Variants in ITGA9 observed in about 807,000 individuals in gnomAD.
The protein encoded by ITGA9 is integrin alpha-9.
Under a neutral mutation model 127.8 loss-of-function variants are expected in ITGA9, and 56 were observed. The ratio of observed to expected loss-of-function variants is 0.44; its 90% CI spans 0.35 to 0.55. The LOEUF (loss-of-function observed/expected upper bound fraction) is 0.55. Ranked by LOEUF, ITGA9 falls within the 20% of genes least tolerant of loss-of-function variation. The pLI is 0.00. For missense variants in ITGA9, 1,196 were observed against 1,347.1 expected, an observed-to-expected ratio of 0.89 and a Z score of 1.76; for synonymous variants, 508 against 514.5, an observed-to-expected ratio of 0.99 and a Z score of 0.17.
intron 16 of ITGA9, among the ~76,000 whole-genome samples, chr3:37,633,409 A>G (rs1421252377): frequency 6.6e-6 from 1 of 152,226 alleles, no homozygotes; most frequent in African/African-American, 2.4e-5. Flanking sequence ...TGCCTAGCCT[A>G]CCTTAAATGT....
At chr3:37,777,889 A>G (rs1192601643) in intron 24 of ITGA9, among the ~76,000 whole-genome samples, 2 of 152,268 alleles carry the variant, frequency 1.3e-5, no homozygotes, top group Admixed American at 6.5e-5. Flanking sequence ...ACTCTTGAGT[A>G]TATCCCCAAG....
chr3:37,455,731 TTAAC>T (rs1266247807), intron 1 of ITGA9, among the ~76,000 whole-genome samples: 1 of 152,252 alleles, frequency 6.6e-6, no homozygotes, highest in East Asian at 1.9e-4. Flanking sequence ...TTCATGCTAA[TTAAC>T]TACCTGTTTT....
At chr3:37,737,832 C>G (rs1320053901) in intron 20 of ITGA9, among the ~76,000 whole-genome samples, 1 of 152,174 alleles carries the variant, frequency 6.6e-6, no homozygotes, top group Non-Finnish European at 1.5e-5. Flanking sequence ...TACCCTTTAC[C>G]CAGATTCACC....
intron 18 of ITGA9, among the ~76,000 whole-genome samples, chr3:37,710,116 C>T (rs1701061938): frequency 6.6e-6 from 1 of 152,120 alleles, no homozygotes. Flanking sequence ...AGGGGAGGAA[C>T]ACAGGAGCTG....
intron 26 of ITGA9, 122 bp downstream of exon 26, chr3:37,785,200 A>T: frequency 2.6e-6 from 2 of 757,610 alleles, no homozygotes; most frequent in Non-Finnish European, 4.7e-6. Context: ...GGTTTGTGGC[A>T]GACCCAAGAC....
chr3:37,758,371 T>C (rs1351086152), intron 23 of ITGA9, among the ~76,000 whole-genome samples: 1 of 145,116 alleles, frequency 6.9e-6, no homozygotes, highest in African/African-American at 2.6e-5. Context: ...TTGATTCCTA[T>C]TAGAAGAATA....
intron 15 of ITGA9, among the ~76,000 whole-genome samples, chr3:37,625,062 T>C (rs747456266): frequency 6.6e-6 from 1 of 152,214 alleles, no homozygotes; most frequent in Non-Finnish European, 1.5e-5. Context: ...ACTTCCCACC[T>C]TTGGGAGTCA....
At chr3:37,651,896 G>A (rs1273893376) in intron 16 of ITGA9, among the ~76,000 whole-genome samples, 1 of 152,148 alleles carries the variant, frequency 6.6e-6, no homozygotes, top group Admixed American at 6.5e-5. Flanking sequence ...AGATCTGGCA[G>A]CCTGCATGTC....
At chr3:37,557,179 C>T (rs945071970) in intron 15 of ITGA9, among the ~76,000 whole-genome samples, 2 of 152,118 alleles carry the variant, frequency 1.3e-5, no homozygotes, top group African/African-American at 4.8e-5. Context: ...TTTTCCTTCT[C>T]CTTTTCTTGG....
At chr3:37,683,799 C>T (rs1374410716) in intron 17 of ITGA9, 66 bp from the exon 18 acceptor site, 2 of 1,544,984 alleles carry the variant, frequency 1.3e-6, no homozygotes, top group Non-Finnish European at 1.8e-6. Context: ...TTCAACTACC[C>T]CCTGTGCCTC....
chr3:37,553,448 A>G (rs1242023637), intron 15 of ITGA9, among the ~76,000 whole-genome samples: 1 of 152,242 alleles, frequency 6.6e-6, no homozygotes, highest in Non-Finnish European at 1.5e-5. Flanking sequence ...ACATTTTTGA[A>G]GAGTACAGGT....
intron 10 of ITGA9, among the ~76,000 whole-genome samples, chr3:37,517,932 T>A (rs1175823920): frequency 6.6e-6 from 1 of 152,220 alleles, no homozygotes; most frequent in Admixed American, 6.5e-5. Context: ...GCAAGAAGTT[T>A]GAATAGCTTC....
intron 17 of ITGA9, among the ~76,000 whole-genome samples, chr3:37,678,064 A>T (rs928047548): frequency 1.3e-5 from 2 of 152,182 alleles, no homozygotes; most frequent in Non-Finnish European, 2.9e-5. Flanking sequence ...TGGTTTATCC[A>T]CTTGTCTGTC....
intron 16 of ITGA9, among the ~76,000 whole-genome samples, chr3:37,637,822 G>A (rs988382411): frequency 2.6e-5 from 4 of 152,108 alleles, no homozygotes; most frequent in Non-Finnish European, 4.4e-5. Context: ...ACAGGTGCAC[G>A]CCACTATGCC....
intron 5 of ITGA9, among the ~76,000 whole-genome samples, chr3:37,494,996 C>T (rs753454201): frequency 6.6e-6 from 1 of 152,202 alleles, no homozygotes; most frequent in Non-Finnish European, 1.5e-5. Context: ...TTTTTCGAGA[C>T]AGAGTCTTGC....
At chr3:37,485,554 A>G (rs1018057036) in intron 4 of ITGA9, among the ~76,000 whole-genome samples, 4 of 151,934 alleles carry the variant, frequency 2.6e-5, no homozygotes, top group Admixed American at 2.6e-4. Flanking sequence ...CAGCAAGGCC[A>G]CCCATTGTTC....
In ITGA9 at chr3:37,732,683, G is replaced by A. The variant is rs201533784; in HGVS notation, c.2068-29G>A. 2.9e-4 allele frequency: 448 copies of A among 1,562,068 alleles called. 2 individuals carry two copies. In the African/African-American group the frequency reaches 4.9e-3, roughly 17 times the overall value. Reference sequence around the variant, plus strand: ...CCACACACCTGCCTTTTGTGCAGCCGGCCCATCTGTTGGTGCTTTTTCTTT... The same window carrying A: ...CCACACACCTGCCTTTTGTGCAGCCAGCCCATCTGTTGGTGCTTTTTCTTT... On this transcript the variant is annotated intron_variant, in intron 18 of 27. Transcript: ENST00000264741.
chr3:37,741,770 C>T lies in ITGA9; in HGVS notation c.2275C>T (p.Leu759Phe), dbSNP rs148785471. The stretch of plus-strand genomic sequence containing the variant: ...CTCTGAATCCCTGCATGACAACACC[C>T]TCGTGCTGATGGTGCCACTGATGCA... ...ERSESLHDNT[L>F]VLMVPLMHEV... Residue 759 changes from leucine to phenylalanine, a missense_variant, in exon 21 of 28, where the codon CTC becomes TTC. By Grantham distance (22) the Leu-to-Phe change is conservative. Coordinates refer to ENST00000264741, the MANE Select transcript of ITGA9 (RefSeq NM_002207.3). 2.5e-6 allele frequency: 4 copies of T among 1,613,898 alleles called. No homozygotes were observed. Among genetic ancestry groups the T allele is most frequent in the African/African-American group, 1.3e-5 (1 of 75,062 alleles).
chr3:37,466,513 A>G (rs887966249), intron 1 of ITGA9, among the ~76,000 whole-genome samples: 3 of 149,692 alleles, frequency 2.0e-5, no homozygotes, highest in African/African-American at 4.9e-5. Flanking sequence ...AAAAAAAAAA[A>G]GGGCCTTTGA....
Sources: gnomAD v4.1 joint callset for allele counts (sites outside exome capture counted in the v4.1 genomes callset) on GRCh38, gnomAD v4.1.1 for gene constraint, MANE v1.5 for transcripts, NCBI Gene and HGNC (gene_info 2026-07-23, HGNC 2026-07-21) for gene names.